Variants in OSBPL8 observed in about 807,000 individuals in gnomAD.
The protein encoded by OSBPL8 is oxysterol binding protein like 8.
OSBPL8 carries 59 observed loss-of-function variants against 125.5 expected under a neutral mutation model. The observed-to-expected ratio is 0.47, with a 90% confidence interval of 0.38 to 0.58. The LOEUF (loss-of-function observed/expected upper bound fraction) is 0.58. Ranked by LOEUF, OSBPL8 falls within the 20% of genes least tolerant of loss-of-function variation. OSBPL8 has a pLI of 0.00. For synonymous variants in OSBPL8, 330 were observed against 338.9 expected (o/e 0.97, Z 0.29); for missense variants, 758 against 1,047.8 (o/e 0.72, Z 3.82).
chr12:76,420,050 T>G lies in OSBPL8; in HGVS notation c.218-9416A>C, dbSNP rs547835751. On this transcript the variant is annotated intron_variant, in intron 4 of 23. Coordinates refer to ENST00000261183, the MANE Select transcript of OSBPL8 (RefSeq NM_020841.5). Reference sequence around the variant, plus strand: ...TGTCCACAAAATGCAAGTACTATCATCACTGATAAGGCGTTATCTTTTTGA... The same window carrying G: ...TGTCCACAAAATGCAAGTACTATCAGCACTGATAAGGCGTTATCTTTTTGA... 1.8e-4 allele frequency among the ~76,000 whole-genome samples: 28 copies of G among 152,240 alleles called. No individual in the cohort carries two copies. In the South Asian group the frequency reaches 5.6e-3, roughly 30 times the overall value.
chr12:76,453,677 G>C (rs1873685853), intron 3 of OSBPL8, among the ~76,000 whole-genome samples: 1 of 151,824 alleles, frequency 6.6e-6, no homozygotes, highest in Admixed American at 6.6e-5. Flanking sequence ...CCTTTAAAAA[G>C]ACACAAAAAA....
At chr12:76,549,660 CA>C (rs1362885348) in intron 1 of OSBPL8, among the ~76,000 whole-genome samples, 1 of 152,126 alleles carries the variant, frequency 6.6e-6, no homozygotes. Context: ...CTCGGCCTCC[CA>C]AAGTGCTGGG....
chr12:76,496,730 T>C (rs1037120860), intron 1 of OSBPL8, among the ~76,000 whole-genome samples: 1 of 152,004 alleles, frequency 6.6e-6, no homozygotes, highest in Non-Finnish European at 1.5e-5. Context: ...TTAGTAGAGA[T>C]GGGGTTTCAC....
At chr12:76,412,044 A>G (rs1868256496) in intron 4 of OSBPL8, among the ~76,000 whole-genome samples, 2 of 152,202 alleles carry the variant, frequency 1.3e-5, no homozygotes, top group South Asian at 4.1e-4. Flanking sequence ...GAGTGTGTAC[A>G]TCCATCAAAA....
At chr12:76,359,606 C>T (rs57930752) in intron 21 of OSBPL8, among the ~76,000 whole-genome samples, 5,944 of 152,210 alleles carry the variant, frequency 0.039, 410 homozygotes, top group African/African-American at 0.13. Context: ...AAGACATTCC[C>T]GAGACTGGGA....
At chr12:76,549,460 G>C (rs181643692) in intron 1 of OSBPL8, among the ~76,000 whole-genome samples, 26 of 152,322 alleles carry the variant, frequency 1.7e-4, no homozygotes, top group African/African-American at 6.3e-4. Flanking sequence ...ACCCAGGCTA[G>C]AGTGCAGTAG....
intron 4 of OSBPL8, among the ~76,000 whole-genome samples, chr12:76,433,994 AAAAT>A (rs1871161940): frequency 1.3e-5 from 2 of 151,478 alleles, no homozygotes; most frequent in African/African-American, 4.8e-5. Context: ...AAAAAAAAAA[AAAAT>A]CCTAAAACTC....
In OSBPL8 at chr12:76,384,298, C is replaced by T; in HGVS notation, c.1586G>A (p.Gly529Glu). The T allele has an allele frequency of 6.4e-7, 1 of 1,570,272 alleles. No individual in the cohort carries two copies. The highest frequency in any genetic ancestry group is 8.7e-7 in the Non-Finnish European group (1 of 1,151,930). Residue 529 changes from glycine to glutamate, a missense_variant, in exon 15 of 24, where the codon GGA (glycine) becomes GAA (glutamate). Physicochemically the swap from Gly to Glu is moderately conservative, Grantham distance 98 (BLOSUM62 -2). Around this residue, in one of 3 missense-constraint regions of OSBPL8, gnomAD observed 572 missense variants for 762.0 expected, o/e 0.75. Transcript: ENST00000261183. ...CAGGATACTACCGCTAAGGCAAAAT[C>T]CATCTTTTCGATTACTAACATAAAA... ...SAFYVSNRKDGFCLSGSILAK... is the reference protein window; with the variant it reads ...SAFYVSNRKDEFCLSGSILAK...
chr12:76,493,112 G>A (rs1448098795), intron 1 of OSBPL8, among the ~76,000 whole-genome samples: 1 of 152,140 alleles, frequency 6.6e-6, no homozygotes, highest in Non-Finnish European at 1.5e-5. Context: ...ATGGCTGTGA[G>A]CAAGTCCATT....
chr12:76,542,538 C>G (rs560964582), intron 1 of OSBPL8, among the ~76,000 whole-genome samples: 3 of 152,322 alleles, frequency 2.0e-5, no homozygotes, highest in African/African-American at 7.2e-5. Flanking sequence ...TCTGATTCTA[C>G]AGGTCTGGGG....
chr12:76,428,385 T>C (rs1033040481), intron 4 of OSBPL8, among the ~76,000 whole-genome samples: 2 of 151,890 alleles, frequency 1.3e-5, no homozygotes, highest in African/African-American at 4.8e-5. Flanking sequence ...TTCCAGACCA[T>C]CTCTATTTAA....
intron 7 of OSBPL8, among the ~76,000 whole-genome samples, chr12:76,399,481 G>C (rs979276495): frequency 2.0e-5 from 3 of 152,106 alleles, no homozygotes; most frequent in Non-Finnish European, 4.4e-5. Flanking sequence ...GTATCCAACT[G>C]ATTATTTTAA....
At chr12:76,390,201 T>C (rs903342061) in intron 11 of OSBPL8, 3 of 455,288 alleles carry the variant, frequency 6.6e-6, no homozygotes, top group Non-Finnish European at 1.1e-5. Flanking sequence ...TTGAAGAAAA[T>C]GTAAACTTTA....
At chr12:76,372,178 TCTCTCTGTCATCTCTCA>T (rs1414014683) in intron 18 of OSBPL8, among the ~76,000 whole-genome samples, 1 of 152,100 alleles carries the variant, frequency 6.6e-6, no homozygotes, top group African/African-American at 2.4e-5. Flanking sequence ...TCCTTCTCTC[TCTCTCTGTCATCTCTCA>T]CTCTCATCTC....
At chr12:76,547,594 T>C (rs1950815850) in intron 1 of OSBPL8, among the ~76,000 whole-genome samples, 1 of 151,742 alleles carries the variant, frequency 6.6e-6, no homozygotes, top group African/African-American at 2.4e-5. Context: ...GAGGAAAAAA[T>C]ATCAACTACT....
intron 4 of OSBPL8, among the ~76,000 whole-genome samples, chr12:76,440,748 A>G (rs908606727): frequency 6.6e-6 from 1 of 152,120 alleles, no homozygotes; most frequent in African/African-American, 2.4e-5. Context: ...CTCTAATTTT[A>G]TGAGGAGAAT....
chr12:76,378,156 C>A (rs567754631), intron 16 of OSBPL8, among the ~76,000 whole-genome samples: 2 of 152,152 alleles, frequency 1.3e-5, no homozygotes, highest in East Asian at 3.9e-4. Context: ...AAATAATAGA[C>A]GGTTTTGTCA....
In OSBPL8 at chr12:76,355,735, TA is replaced by T; in HGVS notation, c.*153del. The T allele has an allele frequency of 1.4e-6, 1 of 727,534 alleles. No homozygotes were observed. The highest frequency in any genetic ancestry group is 2.1e-6 in the Non-Finnish European group (1 of 465,678). 45.1% of individuals were successfully genotyped at this position (727,534 alleles called of 1,614,324 possible). Reference sequence around the variant, plus strand: ...GATAGCTCTTGTTTCAGTGTGAAGATAAAAGATACGAAAAGTCAATACCTCT... The same window carrying T: ...GATAGCTCTTGTTTCAGTGTGAAGATAAAGATACGAAAAGTCAATACCTCT... On this transcript the variant is annotated 3_prime_UTR_variant, in exon 24 of 24. Coordinates refer to ENST00000261183, the MANE Select transcript of OSBPL8 (RefSeq NM_020841.5).
chr12:76,362,560 C>T (rs564440494), intron 21 of OSBPL8, among the ~76,000 whole-genome samples: 8 of 152,104 alleles, frequency 5.3e-5, no homozygotes, highest in African/African-American at 1.7e-4. Context: ...TTATGACAAA[C>T]CCACAGCCGA....
Sources: allele counts gnomAD v4.1 joint callset (sites outside exome capture counted in the v4.1 genomes callset), GRCh38; gene constraint gnomAD v4.1.1; regional missense constraint gnomAD v4.1.1; transcripts MANE v1.5; gene names NCBI Gene and HGNC (gene_info 2026-07-23, HGNC 2026-07-21).